PCDHA10: variants seen among roughly 807,000 people sequenced by gnomAD.
PCDHA10 encodes the protein protocadherin alpha 10.
PCDHA10 carries 45 observed loss-of-function variants against 61.2 expected under a neutral mutation model. That is an observed-to-expected ratio of 0.74 (90% CI 0.58 to 0.94). The LOEUF is 0.94. Ranked by LOEUF, PCDHA10 falls within the 40% of genes least tolerant of loss-of-function variation. The pLI is 0.00. For missense variants in PCDHA10, 1,278 were observed against 1,236.2 expected (o/e 1.03, Z -0.51); for synonymous variants, 602 against 548.8 (o/e 1.10, Z -1.35).
intron 2 of PCDHA10, among the ~76,000 whole-genome samples, chr5:140,981,825 T>G (rs941645731): frequency 2.0e-5 from 3 of 152,184 alleles, no homozygotes; most frequent in African/African-American, 7.2e-5. Context: ...TCTGCTTGCC[T>G]CTAAAGGTCT....
chr5:140,966,707 A>C, intron 1 of PCDHA10: 1 of 1,379,868 alleles, frequency 7.2e-7, no homozygotes, highest in Non-Finnish European at 9.3e-7. Context: ...GGCGTGGGGC[A>C]CGGCTGGGGA....
intron 1 of PCDHA10, chr5:140,968,967 A>G (rs782494657): frequency 2.5e-6 from 4 of 1,614,216 alleles, no homozygotes; most frequent in East Asian, 2.2e-5. Context: ...TGCTACCGCT[A>G]CACTGCGTAT....
rs781837708 is a variant in PCDHA10, at chr5:140,875,917, GAC to G, written c.2388+17482_2388+17483del. On this transcript the variant is annotated intron_variant, in intron 1 of 3. Coordinates refer to ENST00000307360, the MANE Select transcript of PCDHA10 (RefSeq NM_018901.4). Reference sequence around the variant, plus strand: ...ACCTGTTTCTGAATCTGCGCCTCTGGACTCTCATTTTCCTCTAGAGGGCGCTT... The same window carrying G: ...ACCTGTTTCTGAATCTGCGCCTCTGGTCTCATTTTCCTCTAGAGGGCGCTT... 20 of 1,614,146 alleles carry G rather than the reference GAC, an allele frequency of 1.2e-5. 1 individual carries two copies. In the South Asian group the frequency reaches 2.1e-4, roughly 17 times the overall value.
intron 1 of PCDHA10, among the ~76,000 whole-genome samples, chr5:140,972,284 T>A (rs113618936): frequency 3.6e-4 from 55 of 150,874 alleles, no homozygotes; most frequent in African/African-American, 1.3e-3. Context: ...GGACCATAGA[T>A]GTGCGCCACC....
At chr5:140,972,027 C>A (rs2096514532) in intron 1 of PCDHA10, among the ~76,000 whole-genome samples, 1 of 152,110 alleles carries the variant, frequency 6.6e-6, no homozygotes, top group African/African-American at 2.4e-5. Flanking sequence ...GATATTCAGG[C>A]ATTTAAGCTA....
rs200002785 is a variant in PCDHA10, at chr5:140,870,350, A to G, written c.2388+11914A>G. On this transcript the variant is annotated intron_variant, in intron 1 of 3. Transcript: ENST00000307360. ...CTGGACAGCGCCCTGGACCGCGAGA[A>G]CGTGTGGGCCTATGAACTGGTGGTG... 1.1e-4 allele frequency: 183 copies of G among 1,614,052 alleles called. 1 individual carries two copies. Among genetic ancestry groups the G allele is most frequent in the Middle Eastern group, 3.3e-4 (2 of 6,084 alleles).
intron 1 of PCDHA10, among the ~76,000 whole-genome samples, chr5:140,919,230 A>G (rs56002): frequency 0.32 from 48,085 of 151,928 alleles, 7,955 homozygotes; most frequent in East Asian, 0.53. Flanking sequence ...TTCTAGTAAC[A>G]CTTTTTGTCT....
intron 3 of PCDHA10, 39 bp from the exon 4 acceptor site, chr5:141,009,588 G>A: frequency 6.3e-7 from 1 of 1,598,586 alleles, no homozygotes; most frequent in Non-Finnish European, 8.5e-7. Context: ...AAGAGCATGT[G>A]TTGACCCTGT....
intron 3 of PCDHA10, among the ~76,000 whole-genome samples, chr5:140,998,253 T>C (rs1245576621): frequency 6.6e-6 from 1 of 152,232 alleles, no homozygotes; most frequent in Non-Finnish European, 1.5e-5. Context: ...CTCATTTTAC[T>C]GCTAAGAAAA....
chr5:140,890,621 A>G (rs1209531386), intron 1 of PCDHA10, among the ~76,000 whole-genome samples: 1 of 152,174 alleles, frequency 6.6e-6, no homozygotes, highest in Non-Finnish European at 1.5e-5. Context: ...TACCCTAGAA[A>G]ATTAAGCATG....
At chr5:140,876,143 G>A in intron 1 of PCDHA10, 1 of 1,613,870 alleles carries the variant, frequency 6.2e-7, no homozygotes, top group South Asian at 1.1e-5. Flanking sequence ...GAACTAACAG[G>A]GTCTGTCCAG....
At chr5:141,001,509 G>A (rs1025738776) in intron 3 of PCDHA10, among the ~76,000 whole-genome samples, 3 of 152,212 alleles carry the variant, frequency 2.0e-5, no homozygotes, top group Non-Finnish European at 4.4e-5. Context: ...GGTGGGCTTA[G>A]CTTTCTCCCT....
chr5:140,902,010 G>A (rs187351122), intron 1 of PCDHA10, among the ~76,000 whole-genome samples: 56 of 152,092 alleles, frequency 3.7e-4, no homozygotes, highest in African/African-American at 1.3e-3. Context: ...TCACTGTTGG[G>A]ACATATAGAA....
At position 140,856,909 on chromosome 5, in the gene PCDHA10, G is replaced by A. The variant is rs782127825; in HGVS notation, c.861G>A (p.Thr287=). 1.5e-4 allele frequency: 234 copies of A among 1,596,020 alleles called. 23 individuals carry two copies. The highest frequency in any genetic ancestry group is 1.9e-4 in the Non-Finnish European group (221 of 1,165,964). Reference sequence around the variant, plus strand: ...CATTTAGCTCTTTGGTCCCACCCACGATAAGAAGGAAATTTTGGATAAACG... The same window carrying A: ...CATTTAGCTCTTTGGTCCCACCCACAATAAGAAGGAAATTTTGGATAAACG... ...MYSFSSLVPP[T]IRRKFWINER... is the part of the protein sequence containing the mutation. Residue 287 remains threonine (T), a synonymous_variant, in exon 1 of 4, where the codon ACG becomes ACA. Coordinates refer to ENST00000307360, the MANE Select transcript of PCDHA10 (RefSeq NM_018901.4).
chr5:140,883,724 G>T (rs1174982763), intron 1 of PCDHA10: 2 of 1,613,492 alleles, frequency 1.2e-6, no homozygotes, highest in Non-Finnish European at 1.7e-6. Context: ...GGACGCACAG[G>T]AGAACGCGCT....
chr5:140,906,010 C>T (rs1465949058), intron 1 of PCDHA10, among the ~76,000 whole-genome samples: 1 of 152,210 alleles, frequency 6.6e-6, no homozygotes, highest in Admixed American at 6.5e-5. Flanking sequence ...CTAAGCCAGT[C>T]TAATCTCTCC....
chr5:140,887,456 A>G (rs1291884808), intron 1 of PCDHA10, among the ~76,000 whole-genome samples: 1 of 152,138 alleles, frequency 6.6e-6, no homozygotes, highest in Non-Finnish European at 1.5e-5. Flanking sequence ...CAGTTTTTTA[A>G]AAGATATAAT....
chr5:140,910,019 T>C (rs2074838579), intron 1 of PCDHA10, among the ~76,000 whole-genome samples: 1 of 152,222 alleles, frequency 6.6e-6, no homozygotes, highest in Non-Finnish European at 1.5e-5. Flanking sequence ...CATCCTTGTA[T>C]CCCTGGGATA....
intron 1 of PCDHA10, chr5:140,927,256 CCT>C (rs2084020732): frequency 1.2e-6 from 2 of 1,614,144 alleles, no homozygotes; most frequent in Non-Finnish European, 1.7e-6. Flanking sequence ...TGACAACTCA[CCT>C]CTCTTTCCTG....
Sources: gnomAD v4.1 joint callset for allele counts (sites outside exome capture counted in the v4.1 genomes callset) on GRCh38, gnomAD v4.1.1 for gene constraint, MANE v1.5 for transcripts, NCBI Gene and HGNC (gene_info 2026-07-23, HGNC 2026-07-21) for gene names.